The following SHTN1 variants were observed in gnomAD, a reference collection of about 807,000 sequenced individuals.
The protein encoded by SHTN1 is shootin-1.
SHTN1 carries 42 observed loss-of-function variants against 83.1 expected under a neutral mutation model. That is an observed-to-expected ratio of 0.51 (90% confidence interval 0.39 to 0.65). SHTN1 has a LOEUF of 0.65. Ranked by LOEUF, SHTN1 falls within the 30% of genes least tolerant of loss-of-function variation. SHTN1 has a pLI of 0.00. For synonymous variants in SHTN1, 224 were observed against 247.7 expected, an observed-to-expected ratio of 0.90 and a Z score of 0.90; for missense variants, 622 against 737.8, an observed-to-expected ratio of 0.84 and a Z score of 1.82.
intron 15 of SHTN1, among the ~76,000 whole-genome samples, chr10:116,905,299 C>T (rs1380776205): frequency 9.3e-5 from 14 of 151,326 alleles, no homozygotes; most frequent in Non-Finnish European, 1.5e-5. Flanking sequence ...GATTAAGTCA[C>T]AAAATGAATA....
rs985070122 is a variant in SHTN1 at position 116,963,967 on chromosome 10, G to A, written c.173-3737C>T. 3.3e-5 allele frequency among the ~76,000 whole-genome samples: 4 copies of A among 121,788 alleles called. No individual in the cohort carries two copies. In the East Asian group the frequency reaches 7.2e-4, roughly 22 times the overall value. 79.9% of individuals were successfully genotyped at this position (121,788 alleles called of 152,430 possible). A position where few individuals can be genotyped will look rare whatever the true frequency, so the allele number is the denominator to read the frequency against. The stretch of plus-strand genomic sequence containing the variant: ...AGTGTAGTACACATCACATTGTAGG[G>A]TAACTGTTTTTTTTTTTTTTTACTT... On this transcript the variant is annotated intron_variant, in intron 3 of 16. Coordinates refer to ENST00000355371, the MANE Select transcript of SHTN1 (RefSeq NM_001127211.3).
At chr10:117,022,103 G>C (rs887928262) in intron 2 of SHTN1, among the ~76,000 whole-genome samples, 2 of 152,020 alleles carry the variant, frequency 1.3e-5, no homozygotes, top group Non-Finnish European at 2.9e-5. Flanking sequence ...CTGCCTTCTA[G>C]ATCTTGGACT....
intron 2 of SHTN1, among the ~76,000 whole-genome samples, chr10:117,020,905 A>T (rs1485590839): frequency 1.3e-5 from 2 of 152,198 alleles, no homozygotes; most frequent in African/African-American, 2.4e-5. Context: ...CATATATCTA[A>T]AATACAACCA....
At chr10:117,104,499 G>A (rs1482221335) in intron 1 of SHTN1, among the ~76,000 whole-genome samples, 6 of 152,156 alleles carry the variant, frequency 3.9e-5, no homozygotes, top group South Asian at 4.1e-4. Context: ...GGCCAGGCGC[G>A]GTGGCTCACG....
At chr10:117,010,693 C>G (rs1227761906) in intron 2 of SHTN1, among the ~76,000 whole-genome samples, 1 of 152,194 alleles carries the variant, frequency 6.6e-6, no homozygotes, top group African/African-American at 2.4e-5. Flanking sequence ...AAAATACTAA[C>G]AAACCAAATC....
chr10:116,971,251 C>T (rs952225972), intron 2 of SHTN1, among the ~76,000 whole-genome samples: 1 of 152,068 alleles, frequency 6.6e-6, no homozygotes, highest in East Asian at 1.9e-4. Context: ...TAGGCTGGAC[C>T]TAACTTATTT....
intron 2 of SHTN1, among the ~76,000 whole-genome samples, chr10:117,019,566 G>T (rs1852230656): frequency 1.3e-5 from 2 of 152,106 alleles, no homozygotes; most frequent in Admixed American, 6.5e-5. Context: ...AACAGGCTGG[G>T]TGTGGTGGCT....
At chr10:116,894,040 T>C (rs1262540357) in intron 16 of SHTN1, among the ~76,000 whole-genome samples, 1 of 152,204 alleles carries the variant, frequency 6.6e-6, no homozygotes, top group Non-Finnish European at 1.5e-5. Context: ...CAAACAATGA[T>C]AAAAATCAAT....
At chr10:117,105,296 T>C (rs1009297164) in intron 1 of SHTN1, among the ~76,000 whole-genome samples, 12 of 152,216 alleles carry the variant, frequency 7.9e-5, no homozygotes, top group African/African-American at 2.2e-4. Flanking sequence ...TATTTGCTCA[T>C]TGAGAGATCA....
chr10:116,978,635 T>C (rs1850898556), intron 2 of SHTN1, among the ~76,000 whole-genome samples: 1 of 151,630 alleles, frequency 6.6e-6, no homozygotes, highest in South Asian at 2.1e-4. Flanking sequence ...TTAGCAAGCA[T>C]TCACAAATCT....
Position 116,885,801 on chromosome 10 carries a change from G to A in SHTN1, c.*543C>T, listed in dbSNP as rs570135919. The stretch of plus-strand genomic sequence containing the variant: ...ACACTGACTATGGGACTACGAGTTT[G>A]ATGCCAGCTCCTGAGTTTTCAGTTT... On this transcript the variant is annotated 3_prime_UTR_variant, in exon 17 of 17. Transcript: ENST00000355371. 2.6e-5 allele frequency: 4 copies of A among 154,218 alleles called. No individual in the cohort carries two copies. Among genetic ancestry groups the A allele is most frequent in the African/African-American group, 9.7e-5 (4 of 41,418 alleles). The allele number at this position is 154,218 out of a possible 1,614,324, so 9.6% of individuals were successfully genotyped here.
chr10:116,967,652 A>G (rs1463358072), intron 3 of SHTN1, among the ~76,000 whole-genome samples: 1 of 152,204 alleles, frequency 6.6e-6, no homozygotes, highest in Non-Finnish European at 1.5e-5. Flanking sequence ...GTAAATTTTA[A>G]GTATACAACA....
At chr10:116,911,701 C>G in intron 14 of SHTN1, 89 bp downstream of exon 14, 1 of 1,577,268 alleles carries the variant, frequency 6.3e-7, no homozygotes, top group Non-Finnish European at 8.7e-7. Context: ...GAATAAAACA[C>G]ACCACAAACA....
At chr10:116,925,515 G>A (rs1445675402) in intron 11 of SHTN1, among the ~76,000 whole-genome samples, 1 of 152,134 alleles carries the variant, frequency 6.6e-6, no homozygotes, top group Admixed American at 6.5e-5. Context: ...TGTCCAAGTT[G>A]CCAACTCACC....
chr10:117,017,152 C>G (rs768373623), intron 2 of SHTN1, among the ~76,000 whole-genome samples: 1 of 152,080 alleles, frequency 6.6e-6, no homozygotes, highest in Non-Finnish European at 1.5e-5. Context: ...AGGAACCAAC[C>G]TGAAAGAGCT....
Position 116,954,155 on chromosome 10 carries a change from A to G in SHTN1, c.323T>C (p.Leu108Pro). 1.2e-6 allele frequency: 2 copies of G among 1,613,720 alleles called. No homozygotes were observed. The highest frequency in any genetic ancestry group is 1.7e-6 in the Non-Finnish European group (2 of 1,179,784). ...KRISMLYMAK[L>P]GPDVITEEIN... ...CTCTTCAGTTATTACATCTGGTCCCAGCTTGGCCATGTACAACATGCTGAT... is the reference window on the plus strand; with the variant it reads ...CTCTTCAGTTATTACATCTGGTCCCGGCTTGGCCATGTACAACATGCTGAT... The change falls in exon 5 of 17, where the codon CTG becomes CCG. Residue 108 changes from leucine (L) to proline (P), a missense_variant. By Grantham distance (98) the Leu-to-Pro change is moderately conservative. Around this residue, in one of 3 missense-constraint regions of SHTN1, gnomAD observed 383 missense variants for 455.8 expected, o/e 0.84. Coordinates refer to ENST00000355371, the MANE Select transcript of SHTN1 (RefSeq NM_001127211.3).
At chr10:116,978,987 G>C (rs1850912300) in intron 2 of SHTN1, among the ~76,000 whole-genome samples, 1 of 152,208 alleles carries the variant, frequency 6.6e-6, no homozygotes, top group African/African-American at 2.4e-5. Context: ...CTGGGGACTT[G>C]AGTTGCTTGG....
chr10:117,022,286 C>G (rs1448022706), intron 2 of SHTN1, among the ~76,000 whole-genome samples: 1 of 152,166 alleles, frequency 6.6e-6, no homozygotes, highest in Admixed American at 6.5e-5. Context: ...AGAATATGCA[C>G]AGTACATGCA....
chr10:116,996,404 G>A (rs1851628029), intron 1 of SHTN1, among the ~76,000 whole-genome samples: 1 of 152,148 alleles, frequency 6.6e-6, no homozygotes, highest in Middle Eastern at 3.2e-3. Context: ...AGCTATGCAA[G>A]CTAAAGCTGG....
Sources: gnomAD v4.1 joint callset for allele counts (sites outside exome capture counted in the v4.1 genomes callset) on GRCh38, gnomAD v4.1.1 for gene constraint, gnomAD v4.1.1 regional missense constraint, MANE v1.5 for transcripts, NCBI Gene and HGNC (gene_info 2026-07-23, HGNC 2026-07-21) for gene names.